MAPT: variants seen among roughly 807,000 people sequenced by gnomAD.
MAPT encodes microtubule-associated protein tau.
Under a neutral mutation model 67.9 loss-of-function variants are expected in MAPT, and 34 were observed. That is an observed-to-expected ratio of 0.50 (90% CI 0.38 to 0.67). The LOEUF (loss-of-function observed/expected upper bound fraction) is 0.67. Ranked by LOEUF, MAPT falls within the 30% of genes least tolerant of loss-of-function variation. The pLI, the probability that MAPT is intolerant of heterozygous loss-of-function variation, is 0.00. For synonymous variants in MAPT, 456 were observed against 464.5 expected (o/e 0.98, Z 0.23); for missense variants, 881 against 1,115.2 (o/e 0.79, Z 2.99).
At chr17:45,959,097 C>T (rs996189999) in intron 1 of MAPT, among the ~76,000 whole-genome samples, 1 of 152,076 alleles carries the variant, frequency 6.6e-6, no homozygotes, top group African/African-American at 2.4e-5. Context: ...TTAAACAACT[C>T]TAGGATATCA....
intron 1 of MAPT, among the ~76,000 whole-genome samples, chr17:45,903,247 CAT>C (rs1269977257): frequency 6.6e-6 from 1 of 152,302 alleles, no homozygotes; most frequent in African/African-American, 2.4e-5. Context: ...CGTTCTAAAT[CAT>C]GTGTCAACAG....
intron 1 of MAPT, among the ~76,000 whole-genome samples, chr17:45,948,029 CAG>C (rs1205217814): frequency 7.4e-5 from 11 of 147,702 alleles, no homozygotes; most frequent in Non-Finnish European, 1.2e-4. Flanking sequence ...TATTTTGAGA[CAG>C]AGTCTTACTC....
At chr17:45,965,020 C>T (rs931454197) in intron 2 of MAPT, among the ~76,000 whole-genome samples, 36 of 152,124 alleles carry the variant, frequency 2.4e-4, no homozygotes, top group Non-Finnish European at 3.5e-4. Context: ...GGATTGGGGG[C>T]CAGATTTTGC....
At chr17:46,003,187 C>G (rs558556377) in intron 9 of MAPT, among the ~76,000 whole-genome samples, 1 of 152,220 alleles carries the variant, frequency 6.6e-6, no homozygotes, top group East Asian at 1.9e-4. Flanking sequence ...CTCTGCCCAT[C>G]TCTCCGATCT....
chr17:45,925,826 C>T (rs1369463982), intron 1 of MAPT, among the ~76,000 whole-genome samples: 1 of 152,166 alleles, frequency 6.6e-6, no homozygotes, highest in Non-Finnish European at 1.5e-5. Context: ...TCAGTAAGTA[C>T]TTCTGTCTCT....
chr17:46,024,380 C>A lies in MAPT; in HGVS notation c.*209C>A. The A allele has an allele frequency of 1.7e-6, 1 of 599,866 alleles. No homozygotes were observed. The highest frequency in any genetic ancestry group is 2.0e-5 in the South Asian group (1 of 50,018). The allele number at this position is 599,866 out of a possible 1,614,324, so 37.2% of individuals were successfully genotyped here. A position where few individuals can be genotyped will look rare whatever the true frequency, so the allele number is the denominator to read the frequency against. On this transcript the variant is annotated 3_prime_UTR_variant, in exon 13 of 13. Transcript: ENST00000262410. ...GGAGTAAGAGCAAATTTCATCTTTC[C>A]AAATTGATGGGTGGGCTAGTAATAA... is the stretch of plus-strand genomic sequence containing the variant.
At chr17:45,901,982 T>C (rs1228295319) in intron 1 of MAPT, among the ~76,000 whole-genome samples, 1 of 152,120 alleles carries the variant, frequency 6.6e-6, no homozygotes, top group South Asian at 2.1e-4. Flanking sequence ...CTTTATGAAG[T>C]CTTTCCAAAA....
chr17:46,025,270 G>C lies in MAPT; in HGVS notation c.*1099G>C, dbSNP rs1378093303. 6.6e-6 allele frequency: 1 copy of C among 152,332 alleles called. No homozygotes were observed. The highest frequency in any genetic ancestry group is 2.4e-5 in the African/African-American group (1 of 41,254). The allele number at this position is 152,332 out of a possible 1,614,324, so 9.4% of individuals were successfully genotyped here. A position where few individuals can be genotyped will look rare whatever the true frequency, so the allele number is the denominator to read the frequency against. On this transcript the variant is annotated 3_prime_UTR_variant, in exon 13 of 13. Coordinates refer to ENST00000262410, the MANE Select transcript of MAPT (RefSeq NM_001377265.1). The stretch of plus-strand genomic sequence containing the variant: ...TCTGGAGTGTGTGGGGGTCTGGGAG[G>C]CAGGTCCCGAGCCCCCTGTCCTTCC...
intron 1 of MAPT, among the ~76,000 whole-genome samples, chr17:45,947,719 TTGA>T (rs915044288): frequency 7.9e-5 from 12 of 152,108 alleles, no homozygotes; most frequent in African/African-American, 2.7e-4. Context: ...TATGTTTGAC[TTGA>T]TGACCTCCAG....
At chr17:45,912,926 T>C (rs1335328751) in intron 1 of MAPT, among the ~76,000 whole-genome samples, 1 of 152,218 alleles carries the variant, frequency 6.6e-6, no homozygotes, top group African/African-American at 2.4e-5. Flanking sequence ...ATTTGAACTG[T>C]ACTACCTCTA....
intron 9 of MAPT, among the ~76,000 whole-genome samples, chr17:46,000,953 A>G (rs2145893945): frequency 6.6e-6 from 1 of 152,344 alleles, no homozygotes; most frequent in African/African-American, 2.4e-5. Flanking sequence ...TGTTGGGGCC[A>G]GGTGTGGTGG....
chr17:45,997,365 G>A (rs2074573516), intron 9 of MAPT, among the ~76,000 whole-genome samples: 1 of 152,162 alleles, frequency 6.6e-6, no homozygotes, highest in South Asian at 2.1e-4. Flanking sequence ...TTTCTTCCAA[G>A]GCCTCTCTGT....
At chr17:45,970,862 G>T (rs987365945) in intron 2 of MAPT, among the ~76,000 whole-genome samples, 1 of 152,214 alleles carries the variant, frequency 6.6e-6, no homozygotes. Flanking sequence ...CTTTTGCTCT[G>T]TGTGGCCATC....
At chr17:45,959,570 G>A (rs62063279) in intron 1 of MAPT, among the ~76,000 whole-genome samples, 21,779 of 152,146 alleles carry the variant, frequency 0.14, 2,115 homozygotes, top group Non-Finnish European at 0.22. Context: ...AACTTTGGGA[G>A]GCCGAGGCAG....
intron 1 of MAPT, among the ~76,000 whole-genome samples, chr17:45,950,681 A>G (rs1024195099): frequency 1.3e-4 from 20 of 151,882 alleles, no homozygotes; most frequent in African/African-American, 4.8e-4. Context: ...TTATTTATGT[A>G]TTTTTTGAGA....
intron 12 of MAPT, among the ~76,000 whole-genome samples, chr17:46,022,493 C>T (rs1424189482): frequency 6.6e-6 from 1 of 152,016 alleles, no homozygotes; most frequent in Non-Finnish European, 1.5e-5. Flanking sequence ...CATTCAAGCC[C>T]CTGCAATAGG....
chr17:46,019,596 T>C (rs1490541845), intron 12 of MAPT, among the ~76,000 whole-genome samples: 1 of 151,560 alleles, frequency 6.6e-6, no homozygotes, highest in Non-Finnish European at 1.5e-5. Flanking sequence ...CTTGAACTCC[T>C]GAGGTCAAGC....
At chr17:45,910,460 A>G (rs1202230567) in intron 1 of MAPT, among the ~76,000 whole-genome samples, 9 of 151,982 alleles carry the variant, frequency 5.9e-5, no homozygotes. Context: ...TCCCTGGGGC[A>G]TGGTCTTCCC....
chr17:45,901,568 T>G (rs1467963), intron 1 of MAPT, among the ~76,000 whole-genome samples: 21,831 of 152,220 alleles, frequency 0.14, 2,139 homozygotes, highest in Middle Eastern at 0.22. Flanking sequence ...GTATAGTCAT[T>G]TATGAATTAA....
Sources: allele counts gnomAD v4.1 joint callset (sites outside exome capture counted in the v4.1 genomes callset), GRCh38; gene constraint gnomAD v4.1.1; transcripts MANE v1.5; gene names NCBI Gene and HGNC (gene_info 2026-07-23, HGNC 2026-07-21).